The following TTLL10 variants were observed in gnomAD, a reference collection of about 807,000 sequenced individuals.
The protein encoded by TTLL10 is tubulin tyrosine ligase like 10, also known as inactive polyglycylase TTLL10.
TTLL10 carries 61 observed loss-of-function variants against 69.0 expected under a neutral mutation model. That is an observed-to-expected ratio of 0.88 (90% CI 0.72 to 1.09). TTLL10 has a LOEUF of 1.09. TTLL10 is among the 50% of genes least tolerant of loss of function. TTLL10 has a pLI of 0.00. For missense variants in TTLL10, 962 were observed against 945.9 expected (o/e 1.02, Z -0.22); for synonymous variants, 408 against 393.3 (o/e 1.04, Z -0.44).
chr1:1,185,959 A>C lies in TTLL10; in HGVS notation c.1401+850A>C. The C allele has an allele frequency of 3.9e-6, 2 of 518,612 alleles. No homozygotes were observed. The highest frequency in any genetic ancestry group is 5.0e-6 in the Non-Finnish European group (2 of 403,386). The allele number at this position is 518,612 out of a possible 1,614,324, so 32.1% of individuals were successfully genotyped here. On this transcript the variant is annotated intron_variant, in intron 13 of 15. Coordinates refer to ENST00000379289, the MANE Select transcript of TTLL10 (RefSeq NM_001130045.2). This position sits in a 1 kb window ranked among gnomAD's most constrained non-coding sequence, Gnocchi z 6.1. ...ATCACCTCAAAAAAGAAACACTACT[A>C]ACGAGCCATCACAGCTACATTGCCG...
In TTLL10 at chr1:1,181,697, T is replaced by A; in HGVS notation, c.756-44T>A. ...CAGTCCCCACCCGCTCCAAGCACCATGAGCTGGCCCCTCAGTCCAGGCCCT... is the reference window on the plus strand; with the variant it reads ...CAGTCCCCACCCGCTCCAAGCACCAAGAGCTGGCCCCTCAGTCCAGGCCCT... On this transcript the variant is annotated intron_variant, in intron 8 of 15. Coordinates refer to ENST00000379289, the MANE Select transcript of TTLL10 (RefSeq NM_001130045.2). The surrounding 1 kb of genome is among the most constrained non-coding windows in gnomAD (Gnocchi z 4.6). The A allele has an allele frequency of 1.3e-6, 2 of 1,533,560 alleles. No homozygotes were observed. Among genetic ancestry groups the A allele is most frequent in the African/African-American group, 1.4e-5 (1 of 73,442 alleles). The allele number at this position is 1,533,560 out of a possible 1,614,324, so 95.0% of individuals were successfully genotyped here. A position where few individuals can be genotyped will look rare whatever the true frequency, so the allele number is the denominator to read the frequency against.
At position 1,181,282 on chromosome 1, in the gene TTLL10, A is replaced by G. The variant is rs1647060292; in HGVS notation, c.755+422A>G. Among the ~76,000 whole-genome samples the G allele has an allele frequency of 6.6e-6, 1 of 151,026 alleles. No individual in the cohort carries two copies. The highest frequency in any genetic ancestry group is 2.4e-5 in the African/African-American group (1 of 40,972). On this transcript the variant is annotated intron_variant, in intron 8 of 15. Coordinates refer to ENST00000379289, the MANE Select transcript of TTLL10 (RefSeq NM_001130045.2). This position sits in a 1 kb window ranked among gnomAD's most constrained non-coding sequence, Gnocchi z 4.6. ...TGCCTTCACCCCAAACATCCATCCA[A>G]TCCATCCACAATCCCACACCGTGCC...
rs754953861 is a variant in TTLL10 at position 1,182,836 on chromosome 1, T to C, written c.917-40T>C. 1.3e-5 allele frequency: 20 copies of C among 1,509,596 alleles called. No homozygotes were observed. The East Asian group carries it at 4.7e-4, about 36-fold the overall frequency. 93.5% of individuals were successfully genotyped at this position (1,509,596 alleles called of 1,614,324 possible). On this transcript the variant is annotated intron_variant, in intron 10 of 15. Coordinates refer to ENST00000379289, the MANE Select transcript of TTLL10 (RefSeq NM_001130045.2). ...GGGCCCTAGGAGGGGCGTGGCTGGG[T>C]TGGGGGCGAGGCCAGGGGCTCAGGC...
intron 3 of TTLL10, among the ~76,000 whole-genome samples, chr1:1,178,527 C>T (rs1312589852): frequency 1.3e-5 from 2 of 151,478 alleles, no homozygotes; most frequent in Non-Finnish European, 2.9e-5. Flanking sequence ...CCCCATTGCA[C>T]TCCAGCCTGG....
chr1:1,190,750 G>C (rs1647711972), intron 13 of TTLL10, among the ~76,000 whole-genome samples: 1 of 152,090 alleles, frequency 6.6e-6, no homozygotes, highest in African/African-American at 2.4e-5. Flanking sequence ...ATTTTCCTCT[G>C]ACCACCACTT....
Position 1,185,426 on chromosome 1 carries a change from C to T in TTLL10, c.1401+317C>T. On this transcript the variant is annotated intron_variant, in intron 13 of 15. Transcript: ENST00000379289. This position sits in a 1 kb window ranked among gnomAD's most constrained non-coding sequence, Gnocchi z 6.1. ...GCCACCATGTGAAGAGTCTTTGTTCCTTTCAGATCCTCCACTTGGCAGGCA... is the reference window on the plus strand; with the variant it reads ...GCCACCATGTGAAGAGTCTTTGTTCTTTTCAGATCCTCCACTTGGCAGGCA... 8.6e-7 allele frequency: 1 copy of T among 1,168,718 alleles called. No individual in the cohort carries two copies. Among genetic ancestry groups the T allele is most frequent in the African/African-American group, 1.6e-5 (1 of 62,418 alleles). 72.4% of individuals were successfully genotyped at this position (1,168,718 alleles called of 1,614,324 possible).
At chr1:1,193,303 T>A (rs1647964808) in intron 13 of TTLL10, among the ~76,000 whole-genome samples, 1 of 152,094 alleles carries the variant, frequency 6.6e-6, no homozygotes, top group Non-Finnish European at 1.5e-5. Flanking sequence ...CCAGCCTGGG[T>A]GACAGAGCGA....
intron 13 of TTLL10, among the ~76,000 whole-genome samples, chr1:1,186,566 G>A (rs1462747309): frequency 3.9e-5 from 6 of 152,126 alleles, no homozygotes; most frequent in African/African-American, 9.7e-5. Flanking sequence ...GAATGGAGTC[G>A]TGGGTCACAG....
At chr1:1,193,444 T>C (rs181597861) in intron 13 of TTLL10, among the ~76,000 whole-genome samples, 1 of 152,282 alleles carries the variant, frequency 6.6e-6, no homozygotes, top group Admixed American at 6.5e-5. Context: ...CTCCTATTGT[T>C]TTAGAGAGAT....
chr1:1,184,202 A>C, intron 12 of TTLL10, 111 bp downstream of exon 12: 5 of 1,467,298 alleles, frequency 3.4e-6, no homozygotes, highest in Non-Finnish European at 4.7e-6. Context: ...GAGGTGGCCC[A>C]GGCCGGGAGG....
At chr1:1,192,412 T>C (rs767366415) in intron 13 of TTLL10, among the ~76,000 whole-genome samples, 6 of 152,348 alleles carry the variant, frequency 3.9e-5, no homozygotes, top group East Asian at 1.9e-4. Context: ...CCAGTTGATA[T>C]GAATGTAGAC....
chr1:1,183,469 T>C (rs1338331838), intron 11 of TTLL10, among the ~76,000 whole-genome samples: 1 of 151,974 alleles, frequency 6.6e-6, no homozygotes, highest in Non-Finnish European at 1.5e-5. Context: ...TTTAGACCTG[T>C]CGACCTCACC....
rs374835744 is a variant in TTLL10, at chr1:1,179,172, C to A, written c.-27-17C>A. The A allele has an allele frequency of 6.8e-7, 1 of 1,468,256 alleles. No individual in the cohort carries two copies. The highest frequency in any genetic ancestry group is 9.1e-7 in the Non-Finnish European group (1 of 1,095,088). 91.0% of individuals were successfully genotyped at this position (1,468,256 alleles called of 1,614,324 possible). A position where few individuals can be genotyped will look rare whatever the true frequency, so the allele number is the denominator to read the frequency against. ...CGGAGGTCCCACAGGAGGGTCAGAG[C>A]GGCATCTTCCCTTCAGGGCCCTCGC... On this transcript the variant is annotated splice_polypyrimidine_tract_variant and intron_variant, in intron 3 of 15. Coordinates refer to ENST00000379289, the MANE Select transcript of TTLL10 (RefSeq NM_001130045.2).
rs1647019872 is a variant in TTLL10, at chr1:1,180,469, C to T, written c.507-14C>T. On this transcript the variant is annotated splice_polypyrimidine_tract_variant and intron_variant, in intron 6 of 15. Transcript: ENST00000379289. ...CCTCGGCCCCCAGGTCACCCCCGCC[C>T]CCACCCCTCGCAGCATCAGCTCCTA... The T allele has an allele frequency of 6.5e-7, 1 of 1,547,108 alleles. No homozygotes were observed. Among genetic ancestry groups the T allele is most frequent in the Non-Finnish European group, 8.7e-7 (1 of 1,144,996 alleles).
rs558088345 is a variant in TTLL10, at chr1:1,181,478, G to A, written c.756-263G>A. 1.3e-5 allele frequency among the ~76,000 whole-genome samples: 2 copies of A among 151,716 alleles called. No individual in the cohort carries two copies. The highest frequency in any genetic ancestry group is 2.0e-4 in the East Asian group (1 of 5,126). Reference sequence around the variant, plus strand: ...CCAGACATTTTTGCACCAAGCACCCGCCCAGCCAACCGCAGCTGCCTCCAT... The same window carrying A: ...CCAGACATTTTTGCACCAAGCACCCACCCAGCCAACCGCAGCTGCCTCCAT... On this transcript the variant is annotated intron_variant, in intron 8 of 15. Coordinates refer to ENST00000379289, the MANE Select transcript of TTLL10 (RefSeq NM_001130045.2). This position sits in a 1 kb window ranked among gnomAD's most constrained non-coding sequence, Gnocchi z 4.6.
intron 13 of TTLL10, among the ~76,000 whole-genome samples, chr1:1,195,855 T>C (rs1365666040): frequency 6.6e-6 from 1 of 152,120 alleles, no homozygotes; most frequent in Non-Finnish European, 1.5e-5. Context: ...TTGCCCAGGC[T>C]GATCTCAGAC....
Position 1,185,090 on chromosome 1 carries a change from G to C in TTLL10, c.1382G>C (p.Trp461Ser). The C allele has an allele frequency of 6.2e-7, 1 of 1,613,976 alleles. No homozygotes were observed. The highest frequency in any genetic ancestry group is 1.1e-5 in the South Asian group (1 of 91,070). The change falls in exon 13 of 16, where the codon TGG (tryptophan) becomes TCG (serine). Residue 461 changes from tryptophan to serine, a missense_variant. Transcript: ENST00000379289. The surrounding 1 kb of genome is among the most constrained non-coding windows in gnomAD (Gnocchi z 6.1). The stretch of plus-strand genomic sequence containing the variant: ...AAGGCCCGGGGCCTCGCCAAGGACT[G>C]GGTCTTCACCACCCTCAAGGTGCGT... ...FWKARGLAKD[W>S]VFTTLKKRMQ...
At chr1:1,180,890 C>T in intron 8 of TTLL10, 30 bp downstream of exon 8, 3 of 1,529,754 alleles carry the variant, frequency 2.0e-6, no homozygotes, top group Non-Finnish European at 2.6e-6. Context: ...TGCCCCCGTC[C>T]CTGCGCCCGC....
chr1:1,175,848 G>T, intron 3 of TTLL10: 1 of 395,972 alleles, frequency 2.5e-6, no homozygotes, highest in Non-Finnish European at 5.0e-6. Flanking sequence ...CTGCCGCTGT[G>T]CCGGTGGAGA....
Sources: gnomAD v4.1 joint callset for allele counts (sites outside exome capture counted in the v4.1 genomes callset) on GRCh38, gnomAD v4.1.1 for gene constraint, Gnocchi (gnomAD v3.1) non-coding constraint, MANE v1.5 for transcripts, NCBI Gene and HGNC (gene_info 2026-07-23, HGNC 2026-07-21) for gene names.